PRTG: variants seen among roughly 807,000 people sequenced by gnomAD.
PRTG encodes the protein protogenin.
In PRTG, 67 loss-of-function variants were observed where a neutral mutation model predicts 122.5. The observed-to-expected ratio is 0.55, with a 90% CI of 0.45 to 0.67. PRTG has a LOEUF of 0.67. PRTG is among the 30% of genes least tolerant of loss of function. The pLI is 0.00. For missense variants in PRTG, 1,435 were observed against 1,415.4 expected, an observed-to-expected ratio of 1.01 and a Z score of -0.22; for synonymous variants, 554 against 501.1, an observed-to-expected ratio of 1.11 and a Z score of -1.41.
chr15:55,711,558 C>A (rs2030388951), intron 2 of PRTG, among the ~76,000 whole-genome samples: 1 of 152,042 alleles, frequency 6.6e-6, no homozygotes, highest in Admixed American at 6.6e-5. Context: ...CTGGAACTTG[C>A]CAAAGACATG....
At chr15:55,730,281 T>C (rs1273152990) in intron 2 of PRTG, among the ~76,000 whole-genome samples, 1 of 151,990 alleles carries the variant, frequency 6.6e-6, no homozygotes, top group Non-Finnish European at 1.5e-5. Flanking sequence ...TTTGTATTTT[T>C]AGTAGAGACA....
intron 7 of PRTG, 135 bp from the exon 8 acceptor site, chr15:55,678,179 T>C (rs1450917953): frequency 3.3e-6 from 2 of 606,934 alleles, no homozygotes; most frequent in Non-Finnish European, 5.6e-6. Context: ...TGTAGAACAC[T>C]GCAGCAACTA....
At chr15:55,654,551 T>C (rs1463127555) in intron 11 of PRTG, among the ~76,000 whole-genome samples, 1 of 152,244 alleles carries the variant, frequency 6.6e-6, no homozygotes, top group Non-Finnish European at 1.5e-5. Flanking sequence ...AATTTGATTA[T>C]GTTGACATTT....
intron 10 of PRTG, among the ~76,000 whole-genome samples, chr15:55,672,970 A>G (rs2059481347): frequency 6.6e-6 from 1 of 152,210 alleles, no homozygotes; most frequent in East Asian, 1.9e-4. Flanking sequence ...TAACAAGAAA[A>G]CCAGTCGTGT....
intron 11 of PRTG, among the ~76,000 whole-genome samples, chr15:55,670,159 C>CA (rs1454788589): frequency 2.6e-5 from 4 of 152,064 alleles, no homozygotes; most frequent in African/African-American, 9.7e-5. Flanking sequence ...TATATATATG[C>CA]ATATATGTAT....
intron 2 of PRTG, among the ~76,000 whole-genome samples, chr15:55,684,620 A>T (rs567232180): frequency 3.3e-5 from 5 of 152,342 alleles, no homozygotes; most frequent in African/African-American, 1.2e-4. Context: ...GGGAAAAACT[A>T]ATCAGGATGG....
intron 11 of PRTG, among the ~76,000 whole-genome samples, chr15:55,671,952 C>T (rs1312277044): frequency 1.3e-5 from 2 of 152,160 alleles, no homozygotes; most frequent in Admixed American, 6.5e-5. Flanking sequence ...GCTTTTTCTC[C>T]AGTGTTCCTG....
intron 2 of PRTG, among the ~76,000 whole-genome samples, chr15:55,724,773 TAAAA>T (rs2030964941): frequency 1.8e-5 from 2 of 113,622 alleles, no homozygotes; most frequent in Non-Finnish European, 3.6e-5. Context: ...AAATGAAAAA[TAAAA>T]TAAAAAGAAA....
chr15:55,726,647 A>T (rs2031042874), intron 2 of PRTG, among the ~76,000 whole-genome samples: 1 of 151,730 alleles, frequency 6.6e-6, no homozygotes, highest in Non-Finnish European at 1.5e-5. Context: ...GTCTCAAAAA[A>T]AAAAAAAAAA....
intron 11 of PRTG, among the ~76,000 whole-genome samples, chr15:55,647,652 A>T (rs1039867110): frequency 5.9e-5 from 9 of 152,206 alleles, no homozygotes; most frequent in Non-Finnish European, 1.2e-4. Flanking sequence ...ATAAACACAC[A>T]ATAAATACTA....
At chr15:55,679,885 TAC>T in intron 6 of PRTG, 167 bp downstream of exon 6, 1 of 598,884 alleles carries the variant, frequency 1.7e-6, no homozygotes, top group East Asian at 2.8e-5. Flanking sequence ...AGAATGATTC[TAC>T]AGTTATATTT....
chr15:55,742,981 G>T lies in PRTG; in HGVS notation c.-50C>A, dbSNP rs1171392294. The T allele has an allele frequency of 1.1e-5, 15 of 1,403,916 alleles. No homozygotes were observed. Among genetic ancestry groups the T allele is most frequent in the South Asian group, 9.5e-5 (6 of 63,240 alleles). 87.0% of individuals were successfully genotyped at this position (1,403,916 alleles called of 1,614,324 possible). ...CCCCGGCCGCCCAGAGCCCCTGTCC[G>T]TCTGCGGCCCCCGCCCCGGGCGCTC... is the stretch of plus-strand genomic sequence containing the variant. On this transcript the variant is annotated 5_prime_UTR_variant, in exon 1 of 20. Transcript: ENST00000389286.
chr15:55,625,587 G>A (rs142787682), intron 17 of PRTG, among the ~76,000 whole-genome samples: 18 of 151,450 alleles, frequency 1.2e-4, no homozygotes, highest in Admixed American at 5.9e-4. Context: ...AAGCAGCTAC[G>A]ACTACAGTCA....
At chr15:55,658,280 G>A (rs1336169271) in intron 11 of PRTG, among the ~76,000 whole-genome samples, 1 of 151,696 alleles carries the variant, frequency 6.6e-6, no homozygotes, top group Non-Finnish European at 1.5e-5. Flanking sequence ...AAACACTCTT[G>A]CAGTTAAATG....
At chr15:55,621,296 A>G (rs1012205803) in intron 18 of PRTG, among the ~76,000 whole-genome samples, 1 of 152,174 alleles carries the variant, frequency 6.6e-6, no homozygotes, top group Non-Finnish European at 1.5e-5. Flanking sequence ...GGTTGCAGTG[A>G]GCTGAGATCA....
At chr15:55,633,134 A>T (rs938732717) in intron 15 of PRTG, among the ~76,000 whole-genome samples, 1 of 152,216 alleles carries the variant, frequency 6.6e-6, no homozygotes, top group African/African-American at 2.4e-5. Flanking sequence ...GACAGAATTC[A>T]TGAATTGCTG....
chr15:55,634,752 G>T (rs1408977392), intron 15 of PRTG, among the ~76,000 whole-genome samples: 2 of 151,848 alleles, frequency 1.3e-5, no homozygotes, highest in African/African-American at 2.4e-5. Context: ...TGAGGCAGGA[G>T]AATGACTTGA....
chr15:55,702,888 G>T (rs2029945531), intron 2 of PRTG: 1 of 985,010 alleles, frequency 1.0e-6, no homozygotes, highest in Non-Finnish European at 1.2e-6. Flanking sequence ...GCAATTCGGG[G>T]ACAGACCTTT....
intron 11 of PRTG, among the ~76,000 whole-genome samples, chr15:55,658,025 T>G (rs1487674739): frequency 6.6e-6 from 1 of 152,236 alleles, no homozygotes; most frequent in Non-Finnish European, 1.5e-5. Flanking sequence ...ACATATTCAA[T>G]ATTTATGTGT....
Sources: gnomAD v4.1 joint callset for allele counts (sites outside exome capture counted in the v4.1 genomes callset) on GRCh38, gnomAD v4.1.1 for gene constraint, MANE v1.5 for transcripts, NCBI Gene and HGNC (gene_info 2026-07-23, HGNC 2026-07-21) for gene names.